Variants in SHOC1 observed in about 807,000 individuals in gnomAD.
SHOC1 encodes the protein shortage in chiasmata 1.
SHOC1 carries 136 observed loss-of-function variants against 179.2 expected under a neutral mutation model. The ratio of observed to expected loss-of-function variants is 0.76; its 90% confidence interval spans 0.66 to 0.87. The LOEUF is 0.87. SHOC1 is among the 40% of genes least tolerant of loss of function. The pLI is 0.00. For synonymous variants in SHOC1, 489 were observed against 586.6 expected (o/e 0.83, Z 2.41); for missense variants, 1,538 against 1,700.8 (o/e 0.90, Z 1.68).
Position 111,781,023 on chromosome 9 carries a change from A to G in SHOC1, c.170-6T>C. 2 of 1,604,886 alleles carry G rather than the reference A, an allele frequency of 1.2e-6. No individual in the cohort carries two copies. Among genetic ancestry groups the G allele is most frequent in the South Asian group, 2.2e-5 (2 of 90,476 alleles). ...CGGAACTGAAACAGCTGAGACTAGA[A>G]AGGATAATAGTTAACATTAATGTCT... On this transcript the variant is annotated splice_region_variant and splice_polypyrimidine_tract_variant and intron_variant, in intron 3 of 27. Coordinates refer to ENST00000682961, the MANE Select transcript of SHOC1 (RefSeq NM_001378211.1).
chr9:111,785,535 A>C (rs1836231915), intron 3 of SHOC1, among the ~76,000 whole-genome samples: 1 of 152,208 alleles, frequency 6.6e-6, no homozygotes, highest in Non-Finnish European at 1.5e-5. Flanking sequence ...TGATACAAAC[A>C]AAAAACTATT....
intron 2 of SHOC1, among the ~76,000 whole-genome samples, chr9:111,788,698 GCTTAA>G (rs774458191): frequency 2.9e-4 from 44 of 152,112 alleles, no homozygotes; most frequent in Admixed American, 5.9e-4. Flanking sequence ...TAATGTGGAT[GCTTAA>G]CTTTCATTTA....
intron 6 of SHOC1, among the ~76,000 whole-genome samples, chr9:111,758,492 G>C (rs755527167): frequency 1.3e-5 from 2 of 152,226 alleles, no homozygotes; most frequent in Non-Finnish European, 2.9e-5. Flanking sequence ...GCAAGGCTGA[G>C]GCAGGAGAAT....
At chr9:111,728,637 T>C (rs1350294388) in intron 12 of SHOC1, among the ~76,000 whole-genome samples, 1 of 152,170 alleles carries the variant, frequency 6.6e-6, no homozygotes, top group Non-Finnish European at 1.5e-5. Flanking sequence ...AAGGCAAATC[T>C]ATAGAGAAAG....
At chr9:111,771,509 A>T (rs974371924) in intron 5 of SHOC1, among the ~76,000 whole-genome samples, 1 of 152,152 alleles carries the variant, frequency 6.6e-6, no homozygotes, top group African/African-American at 2.4e-5. Flanking sequence ...CAGTGGGTAA[A>T]TAAAGGAAAG....
chr9:111,690,885 C>A (rs1447950575), intron 27 of SHOC1, among the ~76,000 whole-genome samples: 1 of 152,268 alleles, frequency 6.6e-6, no homozygotes, highest in Non-Finnish European at 1.5e-5. Flanking sequence ...ACTTAAGCTT[C>A]CCCCCGCCCT....
At chr9:111,745,003 T>C (rs1478519330) in intron 10 of SHOC1, among the ~76,000 whole-genome samples, 1 of 152,192 alleles carries the variant, frequency 6.6e-6, no homozygotes, top group African/African-American at 2.4e-5. Context: ...TTCTGTGCAA[T>C]AATGATGGGG....
intron 5 of SHOC1, among the ~76,000 whole-genome samples, chr9:111,771,072 T>C (rs940593647): frequency 5.3e-5 from 8 of 152,154 alleles, no homozygotes; most frequent in African/African-American, 1.7e-4. Flanking sequence ...TCTGATAGTT[T>C]TAAGACTCCT....
At chr9:111,781,830 T>A (rs1039093786) in intron 3 of SHOC1, among the ~76,000 whole-genome samples, 3 of 150,702 alleles carry the variant, frequency 2.0e-5, no homozygotes, top group African/African-American at 7.5e-5. Flanking sequence ...TATACTACTG[T>A]CAGAATATAC....
chr9:111,758,650 T>A (rs1273107526), intron 6 of SHOC1, 45 bp downstream of exon 6: 2 of 1,501,070 alleles, frequency 1.3e-6, no homozygotes, highest in Non-Finnish European at 8.9e-7. Context: ...TAAAACATTT[T>A]CACCTCTTAA....
chr9:111,791,155 A>G (rs1401792895), intron 2 of SHOC1, among the ~76,000 whole-genome samples: 1 of 152,186 alleles, frequency 6.6e-6, no homozygotes, highest in Non-Finnish European at 1.5e-5. Flanking sequence ...GGTGTATATA[A>G]AATATAAATA....
At position 111,705,247 on chromosome 9, in the gene SHOC1, T is replaced by C; in HGVS notation, c.2855A>G (p.Asn952Ser). The C allele has an allele frequency of 2.0e-6, 3 of 1,479,678 alleles. No individual in the cohort carries two copies. Among genetic ancestry groups the C allele is most frequent in the Non-Finnish European group, 2.8e-6 (3 of 1,084,548 alleles). The allele number at this position is 1,479,678 out of a possible 1,614,324, so 91.7% of individuals were successfully genotyped here. A position where few individuals can be genotyped will look rare whatever the true frequency, so the allele number is the denominator to read the frequency against. ...TPDILQLLES[N>S]YNISLVERGC... ...TAAAATTGTGAAATCAATAACTTAC[T>C]TGGATTCTAGCAGCTGAAGTATGTC... The change falls in exon 21 of 28, where the codon AAC becomes AGC. Residue 952 changes from asparagine to serine, a missense_variant and splice_region_variant. Coordinates refer to ENST00000682961, the MANE Select transcript of SHOC1 (RefSeq NM_001378211.1).
Position 111,794,259 on chromosome 9 carries a change from C to G in SHOC1, c.-37+641G>C, listed in dbSNP as rs1171878744. Reference sequence around the variant, plus strand: ...CAGGAGCTTTCTGCCTTCTTCACTCCCTCGCATAAAAACCCACTTAAAAAA... The same window carrying G: ...CAGGAGCTTTCTGCCTTCTTCACTCGCTCGCATAAAAACCCACTTAAAAAA... On this transcript the variant is annotated intron_variant, in intron 1 of 27. Coordinates refer to ENST00000682961, the MANE Select transcript of SHOC1 (RefSeq NM_001378211.1). 3.4e-5 allele frequency among the ~76,000 whole-genome samples: 5 copies of G among 147,166 alleles called. No homozygotes were observed. In the East Asian group the frequency reaches 1.0e-3, roughly 30 times the overall value.
intron 10 of SHOC1, 67 bp downstream of exon 10, chr9:111,746,167 G>C: frequency 9.4e-7 from 1 of 1,064,846 alleles, no homozygotes. Flanking sequence ...CTTTTATATG[G>C]AGAGATTTAA....
At chr9:111,706,423 C>A in intron 20 of SHOC1, 145 bp downstream of exon 20, 1 of 449,522 alleles carries the variant, frequency 2.2e-6, no homozygotes, top group Admixed American at 4.2e-5. Context: ...AAGGACTACC[C>A]CAGGTCACAC....
intron 24 of SHOC1, among the ~76,000 whole-genome samples, chr9:111,697,801 C>T (rs1831773543): frequency 6.6e-6 from 1 of 152,188 alleles, no homozygotes. Flanking sequence ...AGTTTACAGT[C>T]CCACCAACGG....
chr9:111,710,454 C>T (rs7022888), intron 18 of SHOC1, among the ~76,000 whole-genome samples: 8,679 of 152,160 alleles, frequency 0.057, 628 homozygotes, highest in African/African-American at 0.17. Context: ...TTCACTAGTT[C>T]TAGTGTGTAC....
intron 2 of SHOC1, among the ~76,000 whole-genome samples, chr9:111,788,160 G>A (rs1836331339): frequency 1.5e-5 from 2 of 134,748 alleles, no homozygotes; most frequent in Non-Finnish European, 1.5e-5. Flanking sequence ...TCAGCCTCCC[G>A]CGTTCAAGCT....
At chr9:111,720,159 A>G (rs896189884) in intron 15 of SHOC1, among the ~76,000 whole-genome samples, 1 of 152,214 alleles carries the variant, frequency 6.6e-6, no homozygotes, top group Non-Finnish European at 1.5e-5. Flanking sequence ...TTAGACTAAA[A>G]CAGCCCAAGG....
Sources: gnomAD v4.1 joint callset for allele counts (sites outside exome capture counted in the v4.1 genomes callset) on GRCh38, gnomAD v4.1.1 for gene constraint, MANE v1.5 for transcripts, NCBI Gene and HGNC (gene_info 2026-07-23, HGNC 2026-07-21) for gene names.